Variants in APPBP2 observed in about 807,000 individuals in gnomAD.
The protein encoded by APPBP2 is amyloid protein-binding protein 2.
APPBP2 carries 15 observed loss-of-function variants against 76.0 expected under a neutral mutation model. The ratio of observed to expected loss-of-function variants is 0.20; its 90% confidence interval spans 0.13 to 0.30. APPBP2 has a LOEUF of 0.30. APPBP2 is among the 10% of genes least tolerant of loss of function. APPBP2 has a pLI of 1.00. For synonymous variants in APPBP2, 222 were observed against 242.2 expected (o/e 0.92, Z 0.77); for missense variants, 401 against 687.2 (o/e 0.58, Z 4.66).
At chr17:60,510,585 T>C (rs2090903803) in intron 1 of APPBP2, among the ~76,000 whole-genome samples, 1 of 150,400 alleles carries the variant, frequency 6.6e-6, no homozygotes, top group Non-Finnish European at 1.5e-5. Context: ...TGGCCAAGCA[T>C]GGTGGCGTGT....
chr17:60,475,648 TACACACACACACAC>T (rs72415327), intron 4 of APPBP2, among the ~76,000 whole-genome samples: 30 of 129,262 alleles, frequency 2.3e-4, no homozygotes, highest in African/African-American at 5.8e-4. Flanking sequence ...CAACTCTTTA[TACACACACACACAC>T]ACACACACAC....
At position 60,502,964 on chromosome 17, in the gene APPBP2, T is replaced by C. The variant is rs937380191; in HGVS notation, c.139-2477A>G. 5.5e-5 allele frequency among the ~76,000 whole-genome samples: 8 copies of C among 146,538 alleles called. 1 individual carries two copies. The highest frequency in any genetic ancestry group is 2.2e-4 in the African/African-American group (8 of 36,066). ...ATTCCTTTAATGACTGAAACTGGTG[T>C]ATCCTACTAAATGAGAGTCTATATT... On this transcript the variant is annotated intron_variant, in intron 1 of 12. Coordinates refer to ENST00000083182, the MANE Select transcript of APPBP2 (RefSeq NM_006380.5).
intron 4 of APPBP2, among the ~76,000 whole-genome samples, chr17:60,475,053 C>T (rs1280379880): frequency 1.3e-5 from 2 of 151,980 alleles, no homozygotes; most frequent in East Asian, 3.9e-4. Flanking sequence ...CATGGTGAAA[C>T]CCCATCTCTA....
At position 60,445,713 on chromosome 17, in the gene APPBP2, G is replaced by A. The variant is rs1368951665; in HGVS notation, c.*1868C>T. 1 of 152,032 alleles carries A rather than the reference G, an allele frequency of 6.6e-6. No homozygotes were observed. The highest frequency in any genetic ancestry group is 1.5e-5 in the Non-Finnish European group (1 of 68,010). The allele number at this position is 152,032 out of a possible 1,614,324, so 9.4% of individuals were successfully genotyped here. A position where few individuals can be genotyped will look rare whatever the true frequency, so the allele number is the denominator to read the frequency against. On this transcript the variant is annotated 3_prime_UTR_variant, in exon 13 of 13. Coordinates refer to ENST00000083182, the MANE Select transcript of APPBP2 (RefSeq NM_006380.5). ...TGACATTAGACTGCAATTAACTGAG[G>A]GGTGGGGGGCAGCTTCATAAACTGC...
At chr17:60,468,104 C>CTA in intron 4 of APPBP2, among the ~76,000 whole-genome samples, 1 of 152,312 alleles carries the variant, frequency 6.6e-6, no homozygotes, top group Admixed American at 6.5e-5. Context: ...CCACTAGCCA[C>CTA]AGTGGCTACT....
intron 9 of APPBP2, among the ~76,000 whole-genome samples, chr17:60,456,628 C>T (rs1433948097): frequency 6.6e-6 from 1 of 152,148 alleles, no homozygotes; most frequent in Admixed American, 6.5e-5. Flanking sequence ...TCTACATGAT[C>T]TTTCAGCCTG....
chr17:60,526,209 G>A lies in APPBP2; in HGVS notation c.-278C>T, dbSNP rs889168834. 1 of 437,802 alleles carries A rather than the reference G, an allele frequency of 2.3e-6. No individual in the cohort carries two copies. Among genetic ancestry groups the A allele is most frequent in the Non-Finnish European group, 4.3e-6 (1 of 234,946 alleles). The allele number at this position is 437,802 out of a possible 1,614,324, so 27.1% of individuals were successfully genotyped here. A position where few individuals can be genotyped will look rare whatever the true frequency, so the allele number is the denominator to read the frequency against. ...CGAGAGGAACCCGGGTTCCGTCCCA[G>A]CGCTGATCTCTGCAGGGGCGGGGCT... is the stretch of plus-strand genomic sequence containing the variant. On this transcript the variant is annotated 5_prime_UTR_variant, in exon 1 of 13. Transcript: ENST00000083182.
chr17:60,466,036 G>C (rs1335911015), intron 5 of APPBP2, among the ~76,000 whole-genome samples: 1 of 152,020 alleles, frequency 6.6e-6, no homozygotes, highest in Non-Finnish European at 1.5e-5. Context: ...CTCTCACTTT[G>C]TTGCCCATGC....
At chr17:60,519,733 C>T (rs1456470778) in intron 1 of APPBP2, among the ~76,000 whole-genome samples, 1 of 149,458 alleles carries the variant, frequency 6.7e-6, no homozygotes, top group Non-Finnish European at 1.5e-5. Context: ...AATATTGACC[C>T]AATAATTTAT....
At chr17:60,523,004 G>A (rs76725637) in intron 1 of APPBP2, among the ~76,000 whole-genome samples, 2 of 151,442 alleles carry the variant, frequency 1.3e-5, no homozygotes, top group African/African-American at 4.9e-5. Context: ...CTTTACGATT[G>A]TGCCTTTATC....
At chr17:60,524,390 T>C (rs2091033550) in intron 1 of APPBP2, among the ~76,000 whole-genome samples, 1 of 152,092 alleles carries the variant, frequency 6.6e-6, no homozygotes, top group Non-Finnish European at 1.5e-5. Flanking sequence ...GGGAGGAATG[T>C]ATCTTAAATG....
chr17:60,466,515 G>C, intron 4 of APPBP2, 56 bp from the exon 5 acceptor site: 1 of 1,515,332 alleles, frequency 6.6e-7, no homozygotes. Flanking sequence ...TGGTAGACCT[G>C]ATGACCTCTT....
chr17:60,486,227 A>C (rs748406771), intron 3 of APPBP2, among the ~76,000 whole-genome samples: 1 of 152,144 alleles, frequency 6.6e-6, no homozygotes, highest in African/African-American at 2.4e-5. Context: ...TTGGTGCAGA[A>C]CTGAGTTCAA....
At chr17:60,500,360 T>A in intron 2 of APPBP2, 39 bp downstream of exon 2, 1 of 1,349,718 alleles carries the variant, frequency 7.4e-7, no homozygotes, top group Non-Finnish European at 1.0e-6. Context: ...GTAAATTTTA[T>A]GTTATGTATA....
chr17:60,450,505 AT>A (rs1301303748), intron 12 of APPBP2, among the ~76,000 whole-genome samples: 1 of 151,810 alleles, frequency 6.6e-6, no homozygotes, highest in Non-Finnish European at 1.5e-5. Context: ...ACAGTGGCTC[AT>A]GCCTATAATC....
chr17:60,475,412 A>G (rs142834589), intron 4 of APPBP2, among the ~76,000 whole-genome samples: 15 of 152,196 alleles, frequency 9.9e-5, no homozygotes, highest in East Asian at 1.9e-4. Flanking sequence ...GCTGGAACTT[A>G]TATTTGGTTA....
chr17:60,492,332 C>T (rs1344953208), intron 3 of APPBP2, among the ~76,000 whole-genome samples: 1 of 152,162 alleles, frequency 6.6e-6, no homozygotes, highest in Non-Finnish European at 1.5e-5. Context: ...ACACAGAGTC[C>T]CCACTGGGGC....
rs576228348 is a variant in APPBP2, at chr17:60,463,127, A to C, written c.762+894T>G. 1.6e-4 allele frequency among the ~76,000 whole-genome samples: 24 copies of C among 152,296 alleles called. No individual in the cohort carries two copies. The South Asian group carries it at 4.6e-3, about 29-fold the overall frequency. On this transcript the variant is annotated intron_variant, in intron 6 of 12. Coordinates refer to ENST00000083182, the MANE Select transcript of APPBP2 (RefSeq NM_006380.5). ...TACTCTAAAATGACTGATTTAATAA[A>C]TTTCAGAGAAATATTAGACTCTCTC...
At position 60,447,418 on chromosome 17, in the gene APPBP2, T is replaced by C; in HGVS notation, c.*163A>G. ...ATATAACTGAATATATGCTTATTCCTACAGACATTCTGCAAGATAGGGATC... is the reference window on the plus strand; with the variant it reads ...ATATAACTGAATATATGCTTATTCCCACAGACATTCTGCAAGATAGGGATC... On this transcript the variant is annotated 3_prime_UTR_variant, in exon 13 of 13. Transcript: ENST00000083182. The C allele has an allele frequency of 5.7e-6, 4 of 699,436 alleles. No individual in the cohort carries two copies. Among genetic ancestry groups the C allele is most frequent in the Non-Finnish European group, 9.2e-6 (4 of 432,984 alleles). 43.3% of individuals were successfully genotyped at this position (699,436 alleles called of 1,614,324 possible). A position where few individuals can be genotyped will look rare whatever the true frequency, so the allele number is the denominator to read the frequency against.
Sources: allele counts gnomAD v4.1 joint callset (sites outside exome capture counted in the v4.1 genomes callset), GRCh38; gene constraint gnomAD v4.1.1; transcripts MANE v1.5; gene names NCBI Gene and HGNC (gene_info 2026-07-23, HGNC 2026-07-21).